PIK3CB: variants seen among roughly 807,000 people sequenced by gnomAD.
PIK3CB encodes the protein phosphatidylinositol-4,5-bisphosphate 3-kinase catalytic subunit beta.
Under a neutral mutation model 136.8 loss-of-function variants are expected in PIK3CB, and 39 were observed. The observed-to-expected ratio is 0.29, with a 90% CI of 0.22 to 0.37. The LOEUF (loss-of-function observed/expected upper bound fraction) is 0.37, where lower values mean the gene tolerates loss of function less well. PIK3CB is among the 10% of genes least tolerant of loss of function. The pLI, the probability that PIK3CB is intolerant of heterozygous loss-of-function variation, is 1.00. For synonymous variants in PIK3CB, 428 were observed against 436.6 expected (o/e 0.98, Z 0.25); for missense variants, 868 against 1,275.4 (o/e 0.68, Z 4.87).
chr3:138,681,955 A>G lies in PIK3CB; in HGVS notation c.2504+12T>C. ...ACATTAGACTGAAAAAAAAAAAAAG[A>G]CTAGATCTCACCGAAGATCCAAACC... On this transcript the variant is annotated intron_variant, in intron 19 of 23. Coordinates refer to ENST00000674063, the MANE Select transcript of PIK3CB (RefSeq NM_006219.3). 1.9e-6 allele frequency: 3 copies of G among 1,555,992 alleles called. No homozygotes were observed. The highest frequency in any genetic ancestry group is 2.6e-6 in the Non-Finnish European group (3 of 1,141,616).
chr3:138,834,711 C>A lies in PIK3CB; in HGVS notation c.-138G>T. On this transcript the variant is annotated 5_prime_UTR_variant, in exon 1 of 24. Transcript: ENST00000674063. Reference sequence around the variant, plus strand: ...CGCACTCACCTGCCTGGCGTTCCGCCGCCGCCGCCTGCTACTATTCCAAGT... The same window carrying A: ...CGCACTCACCTGCCTGGCGTTCCGCAGCCGCCGCCTGCTACTATTCCAAGT... 1 of 153,666 alleles carries A rather than the reference C, an allele frequency of 6.5e-6. No homozygotes were observed. The highest frequency in any genetic ancestry group is 2.0e-4 in the South Asian group (1 of 5,026). The allele number at this position is 153,666 out of a possible 1,614,324, so 9.5% of individuals were successfully genotyped here. A position where few individuals can be genotyped will look rare whatever the true frequency, so the allele number is the denominator to read the frequency against.
At chr3:138,660,456 T>C (rs2043276531) in intron 21 of PIK3CB, among the ~76,000 whole-genome samples, 1 of 152,226 alleles carries the variant, frequency 6.6e-6, no homozygotes, top group South Asian at 2.1e-4. Context: ...TTCCCAGAGT[T>C]CTTTTCTTTT....
chr3:138,728,779 C>CAAAAAAAAAAAAA (rs71146138), intron 8 of PIK3CB, among the ~76,000 whole-genome samples: 1 of 107,222 alleles, frequency 9.3e-6, no homozygotes, highest in African/African-American at 3.9e-5. Context: ...GACTCCGTCT[C>CAAAAAAAAAAAAA]AAAAAAAAAA....
At chr3:138,716,272 T>C (rs993286282) in intron 8 of PIK3CB, among the ~76,000 whole-genome samples, 1 of 152,204 alleles carries the variant, frequency 6.6e-6, no homozygotes, top group Admixed American at 6.5e-5. Context: ...GGTCCCATAT[T>C]GCTCCAGCTC....
chr3:138,656,777 T>C (rs2043198864), intron 22 of PIK3CB, among the ~76,000 whole-genome samples: 1 of 152,006 alleles, frequency 6.6e-6, no homozygotes, highest in Non-Finnish European at 1.5e-5. Flanking sequence ...GATCATCCAA[T>C]GTTTTTTTTT....
At chr3:138,741,427 A>G (rs1473391935) in intron 5 of PIK3CB, among the ~76,000 whole-genome samples, 1 of 152,240 alleles carries the variant, frequency 6.6e-6, no homozygotes, top group African/African-American at 2.4e-5. Flanking sequence ...ATTATGCAGA[A>G]TAAGTGCTCA....
chr3:138,751,351 G>A (rs367569924), intron 4 of PIK3CB, among the ~76,000 whole-genome samples: 4 of 151,876 alleles, frequency 2.6e-5, no homozygotes, highest in East Asian at 1.9e-4. Flanking sequence ...CCAGCTACTC[G>A]GGAGGCTGAG....
chr3:138,714,157 A>G (rs1477301683), intron 9 of PIK3CB, among the ~76,000 whole-genome samples: 1 of 152,230 alleles, frequency 6.6e-6, no homozygotes, highest in Non-Finnish European at 1.5e-5. Context: ...TAAATTTTTC[A>G]AACATCATCA....
At chr3:138,786,560 G>C (rs770277261) in intron 2 of PIK3CB, among the ~76,000 whole-genome samples, 6 of 151,870 alleles carry the variant, frequency 4.0e-5, no homozygotes, top group Non-Finnish European at 7.4e-5. Context: ...TGGCCAGGCT[G>C]GTCTCGAACT....
chr3:138,700,703 ATAG>A (rs2044232604), intron 12 of PIK3CB, among the ~76,000 whole-genome samples: 1 of 140,312 alleles, frequency 7.1e-6, no homozygotes, highest in Non-Finnish European at 1.6e-5. Context: ...AGATAGATAG[ATAG>A]ATAGATAGAT....
intron 8 of PIK3CB, among the ~76,000 whole-genome samples, chr3:138,732,721 A>AG (rs2045012069): frequency 7.1e-5 from 2 of 28,024 alleles, no homozygotes; most frequent in African/African-American, 2.3e-4. Flanking sequence ...GAAAGAAAAG[A>AG]AAAAAAAAAA....
At chr3:138,704,663 T>G (rs1441285980) in intron 11 of PIK3CB, among the ~76,000 whole-genome samples, 170 bp from the exon 12 acceptor site, 2 of 152,164 alleles carry the variant, frequency 1.3e-5, no homozygotes, top group East Asian at 3.9e-4. Context: ...TTTAAACTCT[T>G]GACAACAGGG....
intron 1 of PIK3CB, among the ~76,000 whole-genome samples, chr3:138,820,358 A>G (rs1000904457): frequency 1.8e-4 from 28 of 152,214 alleles, no homozygotes; most frequent in African/African-American, 6.5e-4. Flanking sequence ...TTATTACATT[A>G]CTCATTAATA....
chr3:138,704,463 T>A lies in PIK3CB; in HGVS notation c.1561A>T (p.Ser521Cys), dbSNP rs754462951. ...IIEKAAEIASSDSANVSSRGG... is the reference protein window; with the variant it reads ...IIEKAAEIASCDSANVSSRGG... ...CTTACTGACACATTAGCACTATCAC[T>A]GCTTGCAATCTCAGCTGCCTTTTCA... Residue 521 changes from serine to cysteine, a missense_variant, in exon 12 of 24, where the codon AGT becomes TGT. Ser to Cys is a moderately radical substitution (Grantham distance 112). Transcript: ENST00000674063. 6.2e-7 allele frequency: 1 copy of A among 1,608,626 alleles called. No homozygotes were observed. The highest frequency in any genetic ancestry group is 8.5e-7 in the Non-Finnish European group (1 of 1,174,968).
chr3:138,827,067 C>CAATA (rs10651373), intron 1 of PIK3CB, among the ~76,000 whole-genome samples: 4,785 of 151,206 alleles, frequency 0.032, 250 homozygotes, highest in African/African-American at 0.11. Context: ...AAAACTCGGT[C>CAATA]AATAAATAAA....
chr3:138,814,068 T>A (rs569308051), intron 1 of PIK3CB, among the ~76,000 whole-genome samples: 14 of 152,222 alleles, frequency 9.2e-5, no homozygotes, highest in African/African-American at 2.9e-4. Flanking sequence ...TGAGGTATAA[T>A]CCCATTTCTC....
At chr3:138,824,860 C>T (rs979905594) in intron 1 of PIK3CB, among the ~76,000 whole-genome samples, 1 of 127,422 alleles carries the variant, frequency 7.8e-6, no homozygotes, top group Non-Finnish European at 1.6e-5. Flanking sequence ...CCAGCCTGGG[C>T]AACATGGTGA....
Position 138,744,392 on chromosome 3 carries a change from C to CAA in PIK3CB, c.398-1613_398-1612dup, listed in dbSNP as rs60503033. Among the ~76,000 whole-genome samples, 84 of 45,106 alleles carry CAA rather than the reference C, an allele frequency of 1.9e-3. 37 individuals carry two copies. The highest frequency in any genetic ancestry group is 2.1e-3 in the African/African-American group (24 of 11,434). The allele number at this position is 45,106 out of a possible 152,430, so 29.6% of individuals were successfully genotyped here. ...ACTGGGTGACAGAGCGAGACTCCCC[C>CAA]AAAAAAAAAAAAAAAAAAAAAAAAA... On this transcript the variant is annotated intron_variant, in intron 4 of 23. Transcript: ENST00000674063.
chr3:138,763,583 A>G (rs1248797286), intron 2 of PIK3CB, among the ~76,000 whole-genome samples: 2 of 152,166 alleles, frequency 1.3e-5, no homozygotes, highest in Non-Finnish European at 2.9e-5. Context: ...AAATCACCCA[A>G]TTAATACAAT....
Sources: allele counts gnomAD v4.1 joint callset (sites outside exome capture counted in the v4.1 genomes callset), GRCh38; gene constraint gnomAD v4.1.1; transcripts MANE v1.5; gene names NCBI Gene and HGNC (gene_info 2026-07-23, HGNC 2026-07-21).